The following SUCLG2 variants were observed in gnomAD, a reference collection of about 807,000 sequenced individuals.
SUCLG2 encodes succinate-CoA ligase GDP-forming subunit beta, also known as succinate--CoA ligase [GDP-forming] subunit beta, mitochondrial.
Under a neutral mutation model 47.9 loss-of-function variants are expected in SUCLG2, and 42 were observed. The ratio of observed to expected loss-of-function variants is 0.88; its 90% CI spans 0.69 to 1.14. The LOEUF (loss-of-function observed/expected upper bound fraction) is 1.14, where lower values mean the gene tolerates loss of function less well. Ranked by LOEUF, SUCLG2 falls within the 50% of genes most tolerant of loss-of-function variation. The pLI is 0.00. For synonymous variants in SUCLG2, 195 were observed against 197.3 expected, an observed-to-expected ratio of 0.99 and a Z score of 0.10; for missense variants, 571 against 525.9, an observed-to-expected ratio of 1.09 and a Z score of -0.84.
Position 67,375,346 on chromosome 3 carries a change from G to A in SUCLG2, c.*398C>T. 1.0e-6 allele frequency: 1 copy of A among 982,198 alleles called. No individual in the cohort carries two copies. The highest frequency in any genetic ancestry group is 1.2e-6 in the Non-Finnish European group (1 of 826,634). 60.8% of individuals were successfully genotyped at this position (982,198 alleles called of 1,614,324 possible). A position where few individuals can be genotyped will look rare whatever the true frequency, so the allele number is the denominator to read the frequency against. On this transcript the variant is annotated 3_prime_UTR_variant, in exon 11 of 11. Coordinates refer to ENST00000307227, the MANE Select transcript of SUCLG2 (RefSeq NM_003848.4). ...ATATATTAAATATAATCTTGTCTGA[G>A]TTTTTAAATGGTCTGTTTTTCTTTT... is the stretch of plus-strand genomic sequence containing the variant.
chr3:67,451,068 T>G (rs1353918451), intron 9 of SUCLG2, among the ~76,000 whole-genome samples: 1 of 152,190 alleles, frequency 6.6e-6, no homozygotes, highest in Non-Finnish European at 1.5e-5. Flanking sequence ...TTATTCCCAA[T>G]TTATAGGTGA....
At chr3:67,558,352 G>A (rs1326271703) in intron 2 of SUCLG2, among the ~76,000 whole-genome samples, 2 of 150,842 alleles carry the variant, frequency 1.3e-5, no homozygotes, top group Non-Finnish European at 3.0e-5. Flanking sequence ...AAAAAAATAC[G>A]GTTTACATGC....
intron 2 of SUCLG2, among the ~76,000 whole-genome samples, chr3:67,559,711 T>A (rs1401987916): frequency 6.6e-6 from 1 of 152,080 alleles, no homozygotes; most frequent in Admixed American, 6.5e-5. Flanking sequence ...ACATCAAAAT[T>A]TTTACCAATA....
At chr3:67,489,317 G>A (rs949094966) in intron 9 of SUCLG2, among the ~76,000 whole-genome samples, 7 of 152,066 alleles carry the variant, frequency 4.6e-5, no homozygotes, top group Non-Finnish European at 7.4e-5. Flanking sequence ...CTACTGCCGG[G>A]GGAAAAAAGA....
chr3:67,473,007 AATG>A (rs779129027), intron 9 of SUCLG2, among the ~76,000 whole-genome samples: 17 of 152,212 alleles, frequency 1.1e-4, no homozygotes, highest in African/African-American at 1.2e-4. Flanking sequence ...AAAAATATTT[AATG>A]ATGTCATAAA....
intron 1 of SUCLG2, among the ~76,000 whole-genome samples, chr3:67,636,486 G>A (rs950042269): frequency 4.0e-5 from 6 of 151,820 alleles, no homozygotes; most frequent in African/African-American, 1.5e-4. Flanking sequence ...CCGAGTAGCT[G>A]GGACTACAGG....
At chr3:67,619,983 C>T (rs920193377) in intron 1 of SUCLG2, among the ~76,000 whole-genome samples, 1 of 152,082 alleles carries the variant, frequency 6.6e-6, no homozygotes, top group African/African-American at 2.4e-5. Context: ...ACCCTGCAAA[C>T]AGAAGTAGGC....
At chr3:67,648,435 G>A (rs1701228426) in intron 1 of SUCLG2, among the ~76,000 whole-genome samples, 1 of 152,214 alleles carries the variant, frequency 6.6e-6, no homozygotes, top group Non-Finnish European at 1.5e-5. Flanking sequence ...TAAGCAATCA[G>A]TTTAACTGCC....
intron 2 of SUCLG2, among the ~76,000 whole-genome samples, chr3:67,559,352 C>G (rs946344759): frequency 2.0e-5 from 3 of 152,112 alleles, no homozygotes; most frequent in African/African-American, 7.2e-5. Flanking sequence ...CTCACTGTTC[C>G]GCATGGCTGG....
At chr3:67,486,524 T>A (rs1705059449) in intron 9 of SUCLG2, among the ~76,000 whole-genome samples, 1 of 152,168 alleles carries the variant, frequency 6.6e-6, no homozygotes, top group Non-Finnish European at 1.5e-5. Flanking sequence ...CATCAGCAGA[T>A]CAATTCCTAA....
At chr3:67,653,238 A>T (rs1042256379) in intron 1 of SUCLG2, among the ~76,000 whole-genome samples, 2 of 152,204 alleles carry the variant, frequency 1.3e-5, no homozygotes, top group Non-Finnish European at 2.9e-5. Context: ...CTAACACTTA[A>T]ATAATGAATA....
At chr3:67,557,112 T>G (rs1286431036) in intron 2 of SUCLG2, among the ~76,000 whole-genome samples, 1 of 152,196 alleles carries the variant, frequency 6.6e-6, no homozygotes, top group African/African-American at 2.4e-5. Flanking sequence ...TAGACATGTT[T>G]CTTTTAAGTA....
downstream of SUCLG2, among the ~76,000 whole-genome samples, chr3:67,374,240 A>T (rs1052600760): frequency 1.3e-5 from 2 of 152,228 alleles, no homozygotes; most frequent in African/African-American, 4.8e-5. Flanking sequence ...GATCTATCCA[A>T]TAGTTTATTT....
At chr3:67,554,470 C>T (rs1707103275) in intron 2 of SUCLG2, among the ~76,000 whole-genome samples, 1 of 152,112 alleles carries the variant, frequency 6.6e-6, no homozygotes, top group African/African-American at 2.4e-5. Flanking sequence ...GATTTAAATT[C>T]AAACCCCTCA....
chr3:67,605,075 T>A (rs1419153585), intron 2 of SUCLG2, among the ~76,000 whole-genome samples: 1 of 152,294 alleles, frequency 6.6e-6, no homozygotes, highest in Non-Finnish European at 1.5e-5. Context: ...ATGATGCTGA[T>A]AGCAATAAAA....
intron 2 of SUCLG2, among the ~76,000 whole-genome samples, chr3:67,592,432 A>T (rs2772468): frequency 0.46 from 70,151 of 151,968 alleles, 16,593 homozygotes; most frequent in African/African-American, 0.54. Flanking sequence ...AGCAACTTCA[A>T]ATACAATCTC....
chr3:67,590,493 G>A (rs891848860), intron 2 of SUCLG2, among the ~76,000 whole-genome samples: 1 of 152,120 alleles, frequency 6.6e-6, no homozygotes, highest in Non-Finnish European at 1.5e-5. Flanking sequence ...CCTTGCAGAC[G>A]TGAGTGAGTT....
rs138766874 is a variant in SUCLG2 at position 67,435,701 on chromosome 3, C to A, written c.1063-34850G>T. Among the ~76,000 whole-genome samples, 35 of 152,276 alleles carry A rather than the reference C, an allele frequency of 2.3e-4. No homozygotes were observed. The East Asian group carries it at 6.6e-3, about 29-fold the overall frequency. On this transcript the variant is annotated intron_variant, in intron 9 of 10. Coordinates refer to ENST00000307227, the MANE Select transcript of SUCLG2 (RefSeq NM_003848.4). Reference sequence around the variant, plus strand: ...GAAAATATTTTTTAGATGTGATTTTCTATTAAGAAAGATGGGCCCTAAATG... The same window carrying A: ...GAAAATATTTTTTAGATGTGATTTTATATTAAGAAAGATGGGCCCTAAATG...
chr3:67,609,264 G>A (rs1700484156), intron 2 of SUCLG2, among the ~76,000 whole-genome samples, 191 bp downstream of exon 2: 1 of 41,914 alleles, frequency 2.4e-5, no homozygotes, highest in South Asian at 4.4e-4. Context: ...CAGTCACCAT[G>A]TGATTCCTGC....
Sources: allele counts gnomAD v4.1 joint callset (sites outside exome capture counted in the v4.1 genomes callset), GRCh38; gene constraint gnomAD v4.1.1; transcripts MANE v1.5; gene names NCBI Gene and HGNC (gene_info 2026-07-23, HGNC 2026-07-21).